Variants in FRMD5 observed in about 807,000 individuals in gnomAD.
FRMD5 encodes FERM domain-containing protein 5.
Under a neutral mutation model 69.0 loss-of-function variants are expected in FRMD5, and 20 were observed. The observed-to-expected ratio is 0.29, with a 90% CI of 0.20 to 0.42. The LOEUF (loss-of-function observed/expected upper bound fraction) is 0.42, where lower values mean the gene tolerates loss of function less well. Among genes scored for constraint, FRMD5 ranks in the 10% least tolerant of loss-of-function variants. The pLI, the probability that FRMD5 is intolerant of heterozygous loss-of-function variation, is 1.00. For missense variants in FRMD5, 595 were observed against 708.6 expected (o/e 0.84, Z 1.82); for synonymous variants, 271 against 260.1 (o/e 1.04, Z -0.40).
intron 1 of FRMD5, among the ~76,000 whole-genome samples, chr15:43,973,359 A>G (rs1368821079): frequency 6.8e-6 from 1 of 147,412 alleles, no homozygotes; most frequent in Non-Finnish European, 1.5e-5. Context: ...CTTGTTTGCT[A>G]ATGCTAATGT....
At chr15:43,903,577 T>TA (rs1473417547) in intron 6 of FRMD5, among the ~76,000 whole-genome samples, 4 of 152,060 alleles carry the variant, frequency 2.6e-5, no homozygotes, top group Non-Finnish European at 5.9e-5. Flanking sequence ...TGGAAGGGGG[T>TA]ATTGCTGTGA....
upstream of FRMD5, among the ~76,000 whole-genome samples, chr15:44,199,018 A>C (rs1290414576): frequency 6.6e-6 from 1 of 152,108 alleles, no homozygotes. Context: ...TGCCTGAAAA[A>C]ACTAAACAAA....
intron 1 of FRMD5, chr15:44,194,707 G>C (rs2078255571): frequency 3.4e-6 from 2 of 591,870 alleles, no homozygotes; most frequent in Non-Finnish European, 6.1e-6. Context: ...GGAGAGCAGG[G>C]TAGGACTTAG....
chr15:44,140,523 C>T (rs1321570712), intron 1 of FRMD5, among the ~76,000 whole-genome samples: 1 of 151,860 alleles, frequency 6.6e-6, no homozygotes, highest in Admixed American at 6.6e-5. Context: ...ATAAAAGGCA[C>T]AAGAATTAAA....
Position 43,892,010 on chromosome 15 carries a change from T to C in FRMD5, c.699A>G (p.Gln233=), listed in dbSNP as rs775863183. 23 of 1,614,144 alleles carry C rather than the reference T, an allele frequency of 1.4e-5. No individual in the cohort carries two copies. The highest frequency in any genetic ancestry group is 1.9e-5 in the Non-Finnish European group (23 of 1,179,998). The change falls in exon 8 of 14, where the codon CAA becomes CAG. Residue 233 remains glutamine, a synonymous_variant. Coordinates refer to ENST00000417257, the MANE Select transcript of FRMD5 (RefSeq NM_032892.5). The stretch of plus-strand genomic sequence containing the variant: ...TAATGAAGTGGACCCTCTTGTTTCC[T>C]TGAAGAACAACAAACCCAAAAGGAG... ...AFTPFGFVVL[Q]GNKRVHFIKW... is the part of the protein sequence containing the mutation.
intron 1 of FRMD5, among the ~76,000 whole-genome samples, chr15:44,068,593 G>A (rs1438007642): frequency 6.6e-6 from 1 of 152,160 alleles, no homozygotes; most frequent in African/African-American, 2.4e-5. Flanking sequence ...CTGAGGGAAT[G>A]GGAAAATGGG....
rs1435556669 is a variant in FRMD5 at position 44,024,175 on chromosome 15, T to C, written c.103-99866A>G. ...TAATCATAGAGAAAAGTACAGAAAA[T>C]AAACACCAGATGTGTGGCAGATCAT... is the stretch of plus-strand genomic sequence containing the variant. On this transcript the variant is annotated intron_variant, in intron 1 of 13. Coordinates refer to ENST00000417257, the MANE Select transcript of FRMD5 (RefSeq NM_032892.5). 2.0e-5 allele frequency among the ~76,000 whole-genome samples: 3 copies of C among 152,142 alleles called. No individual in the cohort carries two copies. In the East Asian group the frequency reaches 5.8e-4, roughly 29 times the overall value.
chr15:43,883,667 G>T, intron 13 of FRMD5, 36 bp downstream of exon 13: 1 of 1,447,044 alleles, frequency 6.9e-7, no homozygotes, highest in South Asian at 1.2e-5. Context: ...ACAACTTGGA[G>T]GACCCCAGTG....
At chr15:44,075,192 G>A (rs1394033935) in intron 1 of FRMD5, among the ~76,000 whole-genome samples, 1 of 152,104 alleles carries the variant, frequency 6.6e-6, no homozygotes, top group Non-Finnish European at 1.5e-5. Context: ...TGGCTGGTTT[G>A]ATACAGAGCC....
At position 44,063,795 on chromosome 15, in the gene FRMD5, C is replaced by T. The variant is rs138233532; in HGVS notation, c.102+131158G>A. 73 of 317,648 alleles carry T rather than the reference C, an allele frequency of 2.3e-4. No individual in the cohort carries two copies. In the East Asian group the frequency reaches 6.8e-3, roughly 29 times the overall value. 19.7% of individuals were successfully genotyped at this position (317,648 alleles called of 1,614,324 possible). ...GGGGTGATGCTGGCACTAATTACATCATGGAGTCCACTGGTGTCTTCACTA... is the reference window on the plus strand; with the variant it reads ...GGGGTGATGCTGGCACTAATTACATTATGGAGTCCACTGGTGTCTTCACTA... On this transcript the variant is annotated intron_variant, in intron 1 of 13. Coordinates refer to ENST00000417257, the MANE Select transcript of FRMD5 (RefSeq NM_032892.5).
At chr15:43,963,593 A>G (rs1186097892) in intron 1 of FRMD5, among the ~76,000 whole-genome samples, 1 of 152,224 alleles carries the variant, frequency 6.6e-6, no homozygotes, top group African/African-American at 2.4e-5. Context: ...TGCTGCTATA[A>G]AGACACATGC....
intron 1 of FRMD5, among the ~76,000 whole-genome samples, chr15:44,095,113 C>T (rs536171112): frequency 2.0e-5 from 3 of 152,102 alleles, no homozygotes; most frequent in South Asian, 2.1e-4. Context: ...ACAGATTCCA[C>T]GAGTCCATCT....
chr15:44,034,364 T>C (rs905863550), intron 1 of FRMD5, among the ~76,000 whole-genome samples: 2 of 152,218 alleles, frequency 1.3e-5, no homozygotes, highest in Non-Finnish European at 2.9e-5. Flanking sequence ...TTTGACTACC[T>C]ACTTATATGG....
upstream of FRMD5, among the ~76,000 whole-genome samples, chr15:44,198,326 C>CA (rs35320478): frequency 0.41 from 39,708 of 96,254 alleles, 6,988 homozygotes; most frequent in South Asian, 0.56. Flanking sequence ...GATCCTGTCT[C>CA]AAAAAAAAAA....
chr15:44,026,936 AG>A (rs1328532599), intron 1 of FRMD5, among the ~76,000 whole-genome samples: 1 of 152,248 alleles, frequency 6.6e-6, no homozygotes, highest in Non-Finnish European at 1.5e-5. Context: ...GTAAATAAAC[AG>A]GTGTATTCAC....
intron 1 of FRMD5, among the ~76,000 whole-genome samples, chr15:44,182,886 C>A (rs760827048): frequency 1.3e-5 from 2 of 152,110 alleles, no homozygotes; most frequent in African/African-American, 2.4e-5. Flanking sequence ...AGTTCCGCCT[C>A]CCGGGTTCAC....
intron 1 of FRMD5, among the ~76,000 whole-genome samples, chr15:43,958,333 C>A (rs1408618476): frequency 2.0e-5 from 3 of 151,386 alleles, no homozygotes; most frequent in Non-Finnish European, 4.4e-5. Flanking sequence ...TAAGAAAAAA[C>A]AATCTAGAAA....
At chr15:44,198,000 C>T (rs1320118602), upstream of FRMD5, among the ~76,000 whole-genome samples, 1 of 152,068 alleles carries the variant, frequency 6.6e-6, no homozygotes, top group Non-Finnish European at 1.5e-5. Context: ...AAGTAGAATC[C>T]TTGCTCAGTC....
chr15:44,150,951 G>A (rs1320486247), intron 1 of FRMD5, among the ~76,000 whole-genome samples: 1 of 152,076 alleles, frequency 6.6e-6, no homozygotes, highest in Non-Finnish European at 1.5e-5. Context: ...AATTAGCCAA[G>A]CGTGGTGGTA....
Sources: gnomAD v4.1 joint callset for allele counts (sites outside exome capture counted in the v4.1 genomes callset) on GRCh38, gnomAD v4.1.1 for gene constraint, MANE v1.5 for transcripts, NCBI Gene and HGNC (gene_info 2026-07-23, HGNC 2026-07-21) for gene names.